Variants in PRPH2 observed in about 807,000 individuals in gnomAD.
The protein encoded by PRPH2 is peripherin-2.
Under a neutral mutation model 31.3 loss-of-function variants are expected in PRPH2, and 17 were observed. The observed-to-expected ratio is 0.54, with a 90% CI of 0.37 to 0.81. The LOEUF (loss-of-function observed/expected upper bound fraction) is 0.81, where lower values mean the gene tolerates loss of function less well. Ranked by LOEUF, PRPH2 falls within the 40% of genes least tolerant of loss-of-function variation. The probability of loss-of-function intolerance (pLI) is 0.00; values close to 1 mark genes in which losing one functional copy is unlikely to be tolerated. For synonymous variants in PRPH2, 165 were observed against 184.4 expected (o/e 0.89, Z 0.85); for missense variants, 430 against 439.7 (o/e 0.98, Z 0.20).
intron 2 of PRPH2, among the ~76,000 whole-genome samples, chr6:42,702,010 G>A (rs1281643579): frequency 6.6e-6 from 1 of 151,958 alleles, no homozygotes; most frequent in Non-Finnish European, 1.5e-5. Context: ...GGAGGCCGAG[G>A]TTGGGGGATC....
intron 1 of PRPH2, among the ~76,000 whole-genome samples, chr6:42,720,156 G>T (rs1199660132): frequency 6.6e-6 from 1 of 152,090 alleles, no homozygotes; most frequent in African/African-American, 2.4e-5. Flanking sequence ...CTGAAATTTT[G>T]GATCCATTGA....
At chr6:42,698,646 C>A in intron 2 of PRPH2, 139 bp from the exon 3 acceptor site, 1 of 1,234,322 alleles carries the variant, frequency 8.1e-7, no homozygotes, top group Non-Finnish European at 1.1e-6. Context: ...TTGGTGACAG[C>A]CTGCCCCACG....
intron 1 of PRPH2, among the ~76,000 whole-genome samples, chr6:42,709,019 C>G (rs1043402153): frequency 2.6e-5 from 4 of 152,120 alleles, no homozygotes; most frequent in Non-Finnish European, 4.4e-5. Flanking sequence ...GGCAAGGCCT[C>G]GCCCAAAGCC....
intron 1 of PRPH2, among the ~76,000 whole-genome samples, chr6:42,719,272 G>A (rs1185195139): frequency 1.3e-5 from 2 of 151,164 alleles, no homozygotes; most frequent in Non-Finnish European, 2.9e-5. Context: ...TGCTTCTCTG[G>A]TTCAAGCAAT....
intron 1 of PRPH2, among the ~76,000 whole-genome samples, chr6:42,716,401 T>A (rs1210601226): frequency 1.3e-5 from 2 of 150,852 alleles, no homozygotes; most frequent in Non-Finnish European, 3.0e-5. Flanking sequence ...CTCTATTTTT[T>A]TTTTTTAAGA....
At chr6:42,698,711 C>T (rs1371130439) in intron 2 of PRPH2, among the ~76,000 whole-genome samples, 1 of 152,124 alleles carries the variant, frequency 6.6e-6, no homozygotes, top group South Asian at 2.1e-4. Context: ...TCATGTCAGA[C>T]CCCTCTCCTC....
At chr6:42,716,169 C>T (rs1761774210) in intron 1 of PRPH2, among the ~76,000 whole-genome samples, 1 of 152,096 alleles carries the variant, frequency 6.6e-6, no homozygotes, top group African/African-American at 2.4e-5. Context: ...CTCCTGGGAT[C>T]GCTTCCCCAC....
intron 1 of PRPH2, among the ~76,000 whole-genome samples, chr6:42,720,730 T>A (rs965325946): frequency 4.6e-5 from 7 of 152,282 alleles, no homozygotes; most frequent in Non-Finnish European, 1.0e-4. Context: ...CCCTTAGGAA[T>A]AACTGAACCC....
At chr6:42,703,300 A>G (rs1014143834) in intron 2 of PRPH2, among the ~76,000 whole-genome samples, 1 of 152,244 alleles carries the variant, frequency 6.6e-6, no homozygotes, top group African/African-American at 2.4e-5. Flanking sequence ...ATTTGCTTAC[A>G]TTGCAAGCCC....
chr6:42,713,045 T>C (rs1012578289), intron 1 of PRPH2, among the ~76,000 whole-genome samples: 1 of 151,054 alleles, frequency 6.6e-6, no homozygotes, highest in Non-Finnish European at 1.5e-5. Context: ...GCCAACATGG[T>C]GAAACCCTGT....
At chr6:42,703,025 C>G (rs778594146) in intron 2 of PRPH2, among the ~76,000 whole-genome samples, 1 of 151,938 alleles carries the variant, frequency 6.6e-6, no homozygotes, top group African/African-American at 2.4e-5. Context: ...GAAGACTCTA[C>G]GGAGTATGAC....
intron 1 of PRPH2, among the ~76,000 whole-genome samples, chr6:42,716,744 C>T (rs1030047077): frequency 1.0e-4 from 15 of 150,712 alleles, no homozygotes; most frequent in African/African-American, 3.7e-4. Flanking sequence ...CCTCAGCCTC[C>T]CAAGTAGCTG....
chr6:42,705,988 A>T (rs1239615249), intron 1 of PRPH2, among the ~76,000 whole-genome samples: 1 of 149,850 alleles, frequency 6.7e-6, no homozygotes, highest in Non-Finnish European at 1.5e-5. Context: ...AGTTGCATGT[A>T]GGCCAAGTGC....
intron 1 of PRPH2, among the ~76,000 whole-genome samples, chr6:42,715,995 G>A (rs1240789773): frequency 6.6e-6 from 1 of 152,190 alleles, no homozygotes; most frequent in Non-Finnish European, 1.5e-5. Flanking sequence ...CTCTAGCCCA[G>A]TCCGGTGAAG....
At chr6:42,719,193 G>A (rs555406744) in intron 1 of PRPH2, among the ~76,000 whole-genome samples, 46 of 148,414 alleles carry the variant, frequency 3.1e-4, no homozygotes, top group African/African-American at 7.7e-4. Flanking sequence ...CTTTGAGATC[G>A]AGTCTCACAC....
At chr6:42,704,660 A>C in intron 1 of PRPH2, 49 bp from the exon 2 acceptor site, 1 of 1,613,916 alleles carries the variant, frequency 6.2e-7, no homozygotes, top group Non-Finnish European at 8.5e-7. Context: ...GCTTCTCAAC[A>C]GGGGCCACTT....
At chr6:42,721,122 A>G (rs897408428) in intron 1 of PRPH2, among the ~76,000 whole-genome samples, 1 of 152,196 alleles carries the variant, frequency 6.6e-6, no homozygotes, top group African/African-American at 2.4e-5. Context: ...ATTCTATTCC[A>G]GTGCTCATTT....
At chr6:42,706,221 C>T (rs1582766837) in intron 1 of PRPH2, among the ~76,000 whole-genome samples, 3 of 150,978 alleles carry the variant, frequency 2.0e-5, no homozygotes, top group South Asian at 2.1e-4. Context: ...CTGGCTAACA[C>T]GGTGAAACCC....
intron 1 of PRPH2, among the ~76,000 whole-genome samples, chr6:42,721,352 A>G (rs1337847025): frequency 1.3e-5 from 2 of 152,204 alleles, no homozygotes; most frequent in Non-Finnish European, 1.5e-5. Context: ...GACTGAATCC[A>G]TCTACTTTGA....
Sources: allele counts gnomAD v4.1 joint callset (sites outside exome capture counted in the v4.1 genomes callset), GRCh38; gene constraint gnomAD v4.1.1; transcripts MANE v1.5; gene names NCBI Gene and HGNC (gene_info 2026-07-23, HGNC 2026-07-21).